NALF1: variants seen among roughly 807,000 people sequenced by gnomAD.
NALF1 encodes the protein NALCN channel auxiliary factor 1.
NALF1 carries 3 observed loss-of-function variants against 48.4 expected under a neutral mutation model. The observed-to-expected ratio is 0.06, with a 90% confidence interval of 0.03 to 0.16. The LOEUF (loss-of-function observed/expected upper bound fraction) is 0.16. Among genes scored for constraint, NALF1 ranks in the 10% least tolerant of loss-of-function variants. The pLI is 1.00. For missense variants in NALF1, 526 were observed against 571.5 expected (o/e 0.92, Z 0.81); for synonymous variants, 262 against 245.7 (o/e 1.07, Z -0.62).
chr13:107,782,510 GC>G (rs1216579303), intron 1 of NALF1, among the ~76,000 whole-genome samples: 2 of 151,960 alleles, frequency 1.3e-5, no homozygotes, highest in African/African-American at 4.8e-5. Context: ...CTGCCTGGCC[GC>G]CCATCGTTTG....
At chr13:107,722,026 A>C (rs1876002212) in intron 1 of NALF1, among the ~76,000 whole-genome samples, 2 of 152,192 alleles carry the variant, frequency 1.3e-5, no homozygotes. Context: ...AACTTAAGAC[A>C]AAGCATTCAG....
chr13:107,536,311 A>G (rs1195063173), intron 1 of NALF1, among the ~76,000 whole-genome samples: 11 of 150,944 alleles, frequency 7.3e-5, no homozygotes, highest in Middle Eastern at 3.4e-3. Flanking sequence ...TGGGAGAAAA[A>G]TTTTCACAAC....
intron 2 of NALF1, among the ~76,000 whole-genome samples, chr13:107,189,606 T>C (rs777120839): frequency 1.6e-4 from 24 of 152,284 alleles, no homozygotes; most frequent in Admixed American, 7.2e-4. Context: ...ATTGTCAGGA[T>C]TGAATGACTT....
chr13:107,470,038 C>A (rs953929569), intron 1 of NALF1, among the ~76,000 whole-genome samples: 1 of 151,976 alleles, frequency 6.6e-6, no homozygotes, highest in Non-Finnish European at 1.5e-5. Context: ...CCACCACGCC[C>A]GACCAACTAT....
chr13:107,866,768 C>A lies in NALF1; in HGVS notation c.-172G>T, dbSNP rs915033385. 3.3e-6 allele frequency: 2 copies of A among 600,880 alleles called. No homozygotes were observed. The highest frequency in any genetic ancestry group is 2.9e-6 in the Non-Finnish European group (1 of 340,624). 37.2% of individuals were successfully genotyped at this position (600,880 alleles called of 1,614,324 possible). ...CTCTCCCTCTCTCCTCTCTCTCTCT[C>A]TCCCTCTCCCTCTCTTTTATCTCTC... is the stretch of plus-strand genomic sequence containing the variant. On this transcript the variant is annotated 5_prime_UTR_variant, in exon 1 of 3. Transcript: ENST00000375915. The surrounding 1 kb of genome is among the most constrained non-coding windows in gnomAD (Gnocchi z 4.4).
intron 1 of NALF1, among the ~76,000 whole-genome samples, chr13:107,577,157 C>T (rs1014884927): frequency 7.2e-5 from 11 of 152,268 alleles, no homozygotes; most frequent in African/African-American, 2.2e-4. Flanking sequence ...CCATTGACAT[C>T]GTCCAGTTCC....
At chr13:107,796,717 A>G (rs1365446418) in intron 1 of NALF1, among the ~76,000 whole-genome samples, 3 of 152,070 alleles carry the variant, frequency 2.0e-5, no homozygotes, top group African/African-American at 4.8e-5. Context: ...TATCTTCCCA[A>G]CAGTCCCCAT....
chr13:107,458,171 G>T (rs982459978), intron 1 of NALF1, among the ~76,000 whole-genome samples: 3 of 152,184 alleles, frequency 2.0e-5, no homozygotes, highest in Non-Finnish European at 4.4e-5. Flanking sequence ...TAAAGAAACA[G>T]TATATTCTAT....
In NALF1 at chr13:107,866,340, TGCTGCTGCTGCTGCTGCTGCTGCTGCC is replaced by T. The variant is rs1188142483; in HGVS notation, c.230_256del (p.Arg77_Gln85del). The T allele has an allele frequency of 1.6e-5, 23 of 1,413,250 alleles. No individual in the cohort carries two copies. Among genetic ancestry groups the T allele is most frequent in the Non-Finnish European group, 2.0e-5 (21 of 1,046,628 alleles). The allele number at this position is 1,413,250 out of a possible 1,614,324, so 87.5% of individuals were successfully genotyped here. ...CTGCTGCTGCTGCTGCCGCTGCCTC[TGCTGCTGCTGCTGCTGCTGCTGCTGCC>T]GCTGCTGCTGCTGGTGCTCCTTGTC... On this transcript the variant is annotated inframe_deletion, in exon 1 of 3. Transcript: ENST00000375915. The surrounding 1 kb of genome is among the most constrained non-coding windows in gnomAD (Gnocchi z 4.4).
chr13:107,340,332 G>A (rs1013747370), intron 1 of NALF1, among the ~76,000 whole-genome samples: 1 of 151,842 alleles, frequency 6.6e-6, no homozygotes, highest in Admixed American at 6.6e-5. Context: ...GTAGAGACAG[G>A]GTTTCACCAT....
Position 107,631,786 on chromosome 13 carries a change from C to A in NALF1, c.915+233896G>T, listed in dbSNP as rs1046433735. ...AAGAGAGAATTCATCTCACTTGATG[C>A]AGATTATATATATAGCCAGAAATAT... On this transcript the variant is annotated intron_variant, in intron 1 of 2. Transcript: ENST00000375915. Among the ~76,000 whole-genome samples, 12 of 152,160 alleles carry A rather than the reference C, an allele frequency of 7.9e-5. No homozygotes were observed. In the South Asian group the frequency reaches 1.7e-3, roughly 21 times the overall value.
At position 107,461,960 on chromosome 13, in the gene NALF1, TA is replaced by T. The variant is rs147517728; in HGVS notation, c.916-251206del. Among the ~76,000 whole-genome samples the T allele has an allele frequency of 2.1e-3, 326 of 152,314 alleles. 1 individual carries two copies. Among genetic ancestry groups the T allele is most frequent in the African/African-American group, 7.7e-3 (319 of 41,566 alleles). On this transcript the variant is annotated intron_variant, in intron 1 of 2. Coordinates refer to ENST00000375915, the MANE Select transcript of NALF1 (RefSeq NM_001080396.3). ...TTCTCAATCATCTCAAAGACTGAGTTAAAAAAGGCAGTAGGTTATTCACATT... is the reference window on the plus strand; with the variant it reads ...TTCTCAATCATCTCAAAGACTGAGTTAAAAAGGCAGTAGGTTATTCACATT...
At chr13:107,749,575 A>G (rs147599210) in intron 1 of NALF1, among the ~76,000 whole-genome samples, 209 of 152,018 alleles carry the variant, frequency 1.4e-3, no homozygotes, top group African/African-American at 4.8e-3. Flanking sequence ...GATATTTTAC[A>G]TACTATAATA....
intron 1 of NALF1, among the ~76,000 whole-genome samples, chr13:107,242,860 T>C (rs1880504719): frequency 6.6e-6 from 1 of 152,158 alleles, no homozygotes; most frequent in African/African-American, 2.4e-5. Context: ...TTCCAACTTG[T>C]ACTCTATCAC....
At chr13:107,363,017 A>T (rs1883091882) in intron 1 of NALF1, among the ~76,000 whole-genome samples, 1 of 152,344 alleles carries the variant, frequency 6.6e-6, no homozygotes, top group East Asian at 1.9e-4. Flanking sequence ...GATCTTAACC[A>T]GGAAACAACA....
At chr13:107,204,193 C>G (rs1194032974) in intron 2 of NALF1, among the ~76,000 whole-genome samples, 2 of 152,230 alleles carry the variant, frequency 1.3e-5, no homozygotes, top group Non-Finnish European at 2.9e-5. Context: ...TCTCCCTGCT[C>G]TCCAACAAGT....
intron 1 of NALF1, among the ~76,000 whole-genome samples, chr13:107,657,450 C>A (rs1463721795): frequency 6.6e-6 from 1 of 152,078 alleles, no homozygotes; most frequent in African/African-American, 2.4e-5. Context: ...GGGTGTGTGT[C>A]TTTCTGTGTG....
intron 1 of NALF1, among the ~76,000 whole-genome samples, chr13:107,263,609 G>A (rs547280487): frequency 1.3e-5 from 2 of 152,148 alleles, no homozygotes; most frequent in East Asian, 3.9e-4. Flanking sequence ...TTTTATAAGG[G>A]GAAATCCCTT....
intron 1 of NALF1, among the ~76,000 whole-genome samples, chr13:107,568,064 A>G (rs948115340): frequency 6.6e-6 from 1 of 152,066 alleles, no homozygotes; most frequent in African/African-American, 2.4e-5. Flanking sequence ...TGCAGCCTTC[A>G]CCTCATGGGC....
Sources: allele counts gnomAD v4.1 joint callset (sites outside exome capture counted in the v4.1 genomes callset), GRCh38; gene constraint gnomAD v4.1.1; non-coding constraint Gnocchi (gnomAD v3.1); transcripts MANE v1.5; gene names NCBI Gene and HGNC (gene_info 2026-07-23, HGNC 2026-07-21).